Variants in TBC1D22A observed in about 807,000 individuals in gnomAD.
The protein encoded by TBC1D22A is TBC1 domain family member 22A.
In TBC1D22A, 38 loss-of-function variants were observed where a neutral mutation model predicts 60.2. The ratio of observed to expected loss-of-function variants is 0.63; its 90% confidence interval spans 0.49 to 0.83. TBC1D22A has a LOEUF of 0.83. TBC1D22A is among the 40% of genes least tolerant of loss of function. The probability of loss-of-function intolerance (pLI) is 0.00; values close to 1 mark genes in which losing one functional copy is unlikely to be tolerated. For synonymous variants in TBC1D22A, 302 were observed against 281.7 expected (o/e 1.07, Z -0.72); for missense variants, 628 against 701.0 (o/e 0.90, Z 1.18).
rs765009698 is a variant in TBC1D22A at position 47,037,156 on chromosome 22, G to C, written c.1287G>C (p.Glu429Asp). The C allele has an allele frequency of 6.2e-7, 1 of 1,613,938 alleles. No homozygotes were observed. Among genetic ancestry groups the C allele is most frequent in the Non-Finnish European group, 8.5e-7 (1 of 1,179,932 alleles). ...GGATGAACAACCTGCTGATGAGGGAGGTGCCCCTGCGTTGTACCATCCGCC... is the reference window on the plus strand; with the variant it reads ...GGATGAACAACCTGCTGATGAGGGACGTGCCCCTGCGTTGTACCATCCGCC... ...FRWMNNLLMR[E>D]VPLRCTIRLW... The change falls in exon 11 of 13, where the codon GAG becomes GAC. Residue 429 changes from glutamate to aspartate, a missense_variant. Physicochemically the swap from Glu to Asp is conservative, Grantham distance 45. Coordinates refer to ENST00000337137, the MANE Select transcript of TBC1D22A (RefSeq NM_014346.5).
chr22:47,153,514 G>C (rs2067588318), intron 12 of TBC1D22A, among the ~76,000 whole-genome samples: 2 of 152,014 alleles, frequency 1.3e-5, no homozygotes, highest in Admixed American at 1.3e-4. Flanking sequence ...AGGGGGCCCG[G>C]TCTGCCTGGG....
chr22:47,101,201 C>T (rs1229137123), intron 11 of TBC1D22A, among the ~76,000 whole-genome samples: 1 of 152,168 alleles, frequency 6.6e-6, no homozygotes, highest in Non-Finnish European at 1.5e-5. Context: ...TAATCAGAAC[C>T]ATATTCATCA....
Position 46,941,454 on chromosome 22 carries a change from C to T in TBC1D22A, c.1015+29266C>T, listed in dbSNP as rs867868363. The stretch of plus-strand genomic sequence containing the variant: ...AATATATATACACGGAATATATATA[C>T]GGAATATATATACACGGAATATATA... On this transcript the variant is annotated intron_variant, in intron 8 of 12. Transcript: ENST00000337137. 3.7e-3 allele frequency among the ~76,000 whole-genome samples: 454 copies of T among 123,870 alleles called. 7 individuals carry two copies. Among genetic ancestry groups the T allele is most frequent in the Admixed American group, 5.6e-3 (63 of 11,272 alleles). 81.3% of individuals were successfully genotyped at this position (123,870 alleles called of 152,430 possible). A position where few individuals can be genotyped will look rare whatever the true frequency, so the allele number is the denominator to read the frequency against.
In TBC1D22A at chr22:47,009,252, GCAT is replaced by G. The variant is rs1336314906; in HGVS notation, c.1201+11552_1201+11554del. Among the ~76,000 whole-genome samples the G allele has an allele frequency of 2.0e-5, 3 of 151,898 alleles. No homozygotes were observed. Among genetic ancestry groups the G allele is most frequent in the Non-Finnish European group, 4.4e-5 (3 of 67,990 alleles). On this transcript the variant is annotated intron_variant, in intron 10 of 12. Coordinates refer to ENST00000337137, the MANE Select transcript of TBC1D22A (RefSeq NM_014346.5). The surrounding 1 kb of genome is among the most constrained non-coding windows in gnomAD (Gnocchi z 5.8). ...ATTATTGTCATTATCATCACCATCA[GCAT>G]CATCATCACCATCATCATGATTGTC...
At chr22:46,778,529 C>T (rs1244237312) in intron 1 of TBC1D22A, among the ~76,000 whole-genome samples, 2 of 151,974 alleles carry the variant, frequency 1.3e-5, no homozygotes, top group Non-Finnish European at 2.9e-5. Context: ...GACACAGGGT[C>T]GGGACCGTCA....
rs185435045 is a variant in TBC1D22A, at chr22:46,891,403, C to G, written c.837+9C>G. The G allele has an allele frequency of 8.2e-5, 131 of 1,591,170 alleles. No individual in the cohort carries two copies. In the East Asian group the frequency reaches 2.9e-3, roughly 35 times the overall value. On this transcript the variant is annotated intron_variant, in intron 6 of 12. Coordinates refer to ENST00000337137, the MANE Select transcript of TBC1D22A (RefSeq NM_014346.5). Reference sequence around the variant, plus strand: ...AGGACACATACAGGCAGGTGGGAATCCTTTCTTTTTTTCGTATGTTGCCTG... The same window carrying G: ...AGGACACATACAGGCAGGTGGGAATGCTTTCTTTTTTTCGTATGTTGCCTG...
intron 7 of TBC1D22A, among the ~76,000 whole-genome samples, chr22:46,901,968 A>G (rs954434809): frequency 3.3e-5 from 5 of 152,146 alleles, no homozygotes; most frequent in Non-Finnish European, 7.3e-5. Context: ...GTACAGCAAC[A>G]TTTTCAATTT....
At chr22:46,939,205 G>C (rs958374858) in intron 8 of TBC1D22A, among the ~76,000 whole-genome samples, 5 of 152,210 alleles carry the variant, frequency 3.3e-5, no homozygotes, top group Admixed American at 1.3e-4. Flanking sequence ...ATCAGAAGAT[G>C]AATGCAGACA....
At chr22:46,955,920 T>C (rs373250455) in intron 8 of TBC1D22A, among the ~76,000 whole-genome samples, 1 of 152,178 alleles carries the variant, frequency 6.6e-6, no homozygotes, top group South Asian at 2.1e-4. Flanking sequence ...AATGTTTGCA[T>C]GAGTTGAGGC....
chr22:47,128,757 C>T (rs774356805), intron 12 of TBC1D22A, among the ~76,000 whole-genome samples: 14 of 152,124 alleles, frequency 9.2e-5, no homozygotes, highest in African/African-American at 3.4e-4. Flanking sequence ...GGCTAAGCCA[C>T]GGACAGTCAC....
At chr22:46,769,463 G>A (rs1232078616) in intron 1 of TBC1D22A, among the ~76,000 whole-genome samples, 1 of 152,244 alleles carries the variant, frequency 6.6e-6, no homozygotes, top group African/African-American at 2.4e-5. Flanking sequence ...TGCAGTGCTG[G>A]GCAGGTGGCA....
chr22:47,042,779 G>A (rs2062893813), intron 11 of TBC1D22A, among the ~76,000 whole-genome samples: 1 of 152,274 alleles, frequency 6.6e-6, no homozygotes, highest in Non-Finnish European at 1.5e-5. Flanking sequence ...TCAAGAAGCA[G>A]CCTGTTCTGC....
At chr22:47,147,395 T>C (rs969526572) in intron 12 of TBC1D22A, among the ~76,000 whole-genome samples, 1 of 152,162 alleles carries the variant, frequency 6.6e-6, no homozygotes, top group African/African-American at 2.4e-5. Context: ...TGGGTGTGTT[T>C]TGCTGACTTG....
chr22:46,939,267 C>T (rs2071845249), intron 8 of TBC1D22A, among the ~76,000 whole-genome samples: 1 of 152,196 alleles, frequency 6.6e-6, no homozygotes, highest in South Asian at 2.1e-4. Flanking sequence ...TTGATCATAT[C>T]AGCGAATTCG....
chr22:46,881,122 C>T (rs1197958736), intron 5 of TBC1D22A, among the ~76,000 whole-genome samples: 1 of 152,082 alleles, frequency 6.6e-6, no homozygotes, highest in Non-Finnish European at 1.5e-5. Context: ...CAGGTGACAG[C>T]CGCCCTACTG....
chr22:46,992,561 C>T (rs1569312594), intron 9 of TBC1D22A, among the ~76,000 whole-genome samples: 1 of 152,262 alleles, frequency 6.6e-6, no homozygotes, highest in Non-Finnish European at 1.5e-5. Context: ...AAGCAGGACT[C>T]TCCGGGGATA....
chr22:47,014,497 C>T (rs73890557), intron 10 of TBC1D22A, among the ~76,000 whole-genome samples: 2,169 of 152,270 alleles, frequency 0.014, 41 homozygotes, highest in African/African-American at 0.049. Flanking sequence ...TGTCAGGGCC[C>T]GGGGGTAGGG....
chr22:46,862,774 G>T (rs1368426347), intron 4 of TBC1D22A, among the ~76,000 whole-genome samples: 1 of 152,166 alleles, frequency 6.6e-6, no homozygotes, highest in Non-Finnish European at 1.5e-5. Context: ...GCCCCACCCT[G>T]GGAGGTGCAG....
chr22:47,135,566 T>A (rs2066835869), intron 12 of TBC1D22A, among the ~76,000 whole-genome samples: 1 of 152,014 alleles, frequency 6.6e-6, no homozygotes, highest in Non-Finnish European at 1.5e-5. Context: ...GGCCCTGGAT[T>A]GATGGCAGTA....
Sources: allele counts gnomAD v4.1 joint callset (sites outside exome capture counted in the v4.1 genomes callset), GRCh38; gene constraint gnomAD v4.1.1; non-coding constraint Gnocchi (gnomAD v3.1); transcripts MANE v1.5; gene names NCBI Gene and HGNC (gene_info 2026-07-23, HGNC 2026-07-21).